The following KIF14 variants were observed in gnomAD, a reference collection of about 807,000 sequenced individuals.
The protein encoded by KIF14 is kinesin-like protein KIF14.
Under a neutral mutation model 176.2 loss-of-function variants are expected in KIF14, and 98 were observed. The ratio of observed to expected loss-of-function variants is 0.56; its 90% CI spans 0.47 to 0.66. The LOEUF is 0.66. Ranked by LOEUF, KIF14 falls within the 30% of genes least tolerant of loss-of-function variation. The probability of loss-of-function intolerance (pLI) is 0.00; values close to 1 mark genes in which losing one functional copy is unlikely to be tolerated. For synonymous variants in KIF14, 566 were observed against 632.2 expected (o/e 0.90, Z 1.57); for missense variants, 1,751 against 1,920.4 (o/e 0.91, Z 1.65).
chr1:200,600,101 TTCTTTCCACAC>T lies in KIF14; in HGVS notation c.2302_2312del (p.Val768LysfsTer3). 1 of 1,600,510 alleles carries T rather than the reference TTCTTTCCACAC, an allele frequency of 6.2e-7. No individual in the cohort carries two copies. The highest frequency in any genetic ancestry group is 8.5e-7 in the Non-Finnish European group (1 of 1,169,610). ...TTCTTTTTTCAGCTTGTTCAAACTT[TTCTTTCCACAC>T]TCTTTCCAAAGACAAAGAAAATAAC... On this transcript the variant is annotated frameshift_variant and splice_region_variant, in exon 13 of 30. Coordinates refer to ENST00000367350, the MANE Select transcript of KIF14 (RefSeq NM_014875.3). LOFTEE classifies it high-confidence loss of function.
At chr1:200,568,062 A>G (rs1657566261) in intron 23 of KIF14, among the ~76,000 whole-genome samples, 1 of 152,212 alleles carries the variant, frequency 6.6e-6, no homozygotes, top group Admixed American at 6.5e-5. Context: ...GAATTTTAGA[A>G]GTTAAGATAC....
chr1:200,591,663 C>A (rs1231127257), intron 16 of KIF14, among the ~76,000 whole-genome samples: 1 of 152,202 alleles, frequency 6.6e-6, no homozygotes, highest in Admixed American at 6.5e-5. Flanking sequence ...AAATTCTAAT[C>A]GTCTATTGGG....
rs1382129945 is a variant in KIF14, at chr1:200,605,332, T to C, written c.1697A>G (p.Lys566Arg). The C allele has an allele frequency of 1.9e-6, 3 of 1,613,808 alleles. No individual in the cohort carries two copies. In the South Asian group the frequency reaches 3.3e-5, roughly 18 times the overall value. Residue 566 changes from lysine to arginine, a missense_variant, in exon 8 of 30, where the codon AAA (lysine) becomes AGA (arginine). By Grantham distance (26) the Lys-to-Arg change is conservative. Coordinates refer to ENST00000367350, the MANE Select transcript of KIF14 (RefSeq NM_014875.3). Reference protein sequence around the residue: ...RATAATGMNDKSSRSHSVFTL... With the variant: ...RATAATGMNDRSSRSHSVFTL... Reference sequence around the variant, plus strand: ...GAAAACTGAATGAGATCGGGAACTTTTATCATTCATACCAGTAGCAGCAGT... The same window carrying C: ...GAAAACTGAATGAGATCGGGAACTTCTATCATTCATACCAGTAGCAGCAGT...
chr1:200,561,677 C>CTG (rs1363305895), intron 25 of KIF14, among the ~76,000 whole-genome samples: 1 of 151,994 alleles, frequency 6.6e-6, no homozygotes, highest in Non-Finnish European at 1.5e-5. Context: ...ACATCTGTGG[C>CTG]TGCTAAAGGT....
At chr1:200,557,410 C>T (rs890143720) in intron 27 of KIF14, among the ~76,000 whole-genome samples, 1 of 152,186 alleles carries the variant, frequency 6.6e-6, no homozygotes, top group Non-Finnish European at 1.5e-5. Flanking sequence ...TTGCCAGGCA[C>T]TATATTTTTA....
rs180761779 is a variant in KIF14, at chr1:200,603,970, T to C, written c.1747-15A>G. The C allele has an allele frequency of 4.0e-6, 6 of 1,490,978 alleles. No homozygotes were observed. The African/African-American group carries it at 6.9e-5, about 17-fold the overall frequency. The allele number at this position is 1,490,978 out of a possible 1,614,324, so 92.4% of individuals were successfully genotyped here. ...ACAAATTCTGTCTACAGCAAAATGA[T>C]ATTAAATTAAATTAAGTTCTATTAC... On this transcript the variant is annotated splice_polypyrimidine_tract_variant and intron_variant, in intron 8 of 29. Coordinates refer to ENST00000367350, the MANE Select transcript of KIF14 (RefSeq NM_014875.3).
intron 5 of KIF14, among the ~76,000 whole-genome samples, chr1:200,608,061 T>C (rs1028137694): frequency 6.6e-6 from 1 of 152,170 alleles, no homozygotes; most frequent in Non-Finnish European, 1.5e-5. Context: ...AATTTTAAAT[T>C]TGAATAGCAG....
Position 200,589,339 on chromosome 1 carries a change from C to G in KIF14, c.2992G>C (p.Glu998Gln). The change falls in exon 18 of 30, where the codon GAA becomes CAA. Residue 998 changes from glutamate (E) to glutamine (Q), a missense_variant. Transcript: ENST00000367350. ...TGATTAGCCTTCTGGTTATTTATTT[C>G]CTGCATTTTTTTCCTTTGAGACTCT... ...REESQRKKMQ[E>Q]INNQKANHKI... The G allele has an allele frequency of 6.2e-7, 1 of 1,608,954 alleles. No individual in the cohort carries two copies. Among genetic ancestry groups the G allele is most frequent in the Non-Finnish European group, 8.5e-7 (1 of 1,176,924 alleles).
rs1240205860 is a variant in KIF14 at position 200,590,159 on chromosome 1, T to C, written c.2927A>G (p.Tyr976Cys). The change falls in exon 17 of 30, where the codon TAT (tyrosine) becomes TGT (cysteine). Residue 976 changes from tyrosine to cysteine, a missense_variant. Physicochemically the swap from Tyr to Cys is radical, Grantham distance 194. Transcript: ENST00000367350. ...QQELSSQKAAYESKIKALEAE... is the reference protein window; with the variant it reads ...QQELSSQKAACESKIKALEAE... ...TTCCAGTGCTTTTATTTTGCTTTCATATGCAGCTTTTTGAGAAGAAAGCTC... is the reference window on the plus strand; with the variant it reads ...TTCCAGTGCTTTTATTTTGCTTTCACATGCAGCTTTTTGAGAAGAAAGCTC... The C allele has an allele frequency of 2.5e-6, 4 of 1,612,142 alleles. No individual in the cohort carries two copies. The highest frequency in any genetic ancestry group is 3.4e-6 in the Non-Finnish European group (4 of 1,179,706).
chr1:200,597,055 C>G (rs190112834), intron 14 of KIF14, among the ~76,000 whole-genome samples: 1 of 151,660 alleles, frequency 6.6e-6, no homozygotes, highest in Non-Finnish European at 1.5e-5. Context: ...GGTACCACCA[C>G]GCCCAGAAAA....
chr1:200,554,084 G>T (rs1406759509), intron 29 of KIF14, among the ~76,000 whole-genome samples: 1 of 152,050 alleles, frequency 6.6e-6, no homozygotes, highest in Non-Finnish European at 1.5e-5. Context: ...TAATGAAAAG[G>T]TTAGAAATAA....
intron 22 of KIF14, among the ~76,000 whole-genome samples, chr1:200,573,209 A>G (rs1558056264): frequency 6.6e-6 from 1 of 152,152 alleles, no homozygotes; most frequent in Non-Finnish European, 1.5e-5. Context: ...ATAGGACCTC[A>G]CTTAATCTTA....
intron 25 of KIF14, among the ~76,000 whole-genome samples, chr1:200,563,907 T>C (rs1435761013): frequency 3.3e-5 from 5 of 152,236 alleles, no homozygotes; most frequent in South Asian, 2.1e-4. Flanking sequence ...AATGATAAAA[T>C]TCTAGCCAGA....
chr1:200,571,093 A>G (rs1366360243), intron 22 of KIF14, among the ~76,000 whole-genome samples: 1 of 152,178 alleles, frequency 6.6e-6, no homozygotes, highest in Non-Finnish European at 1.5e-5. Context: ...GTACAAATGG[A>G]AGAAATGTTT....
intron 11 of KIF14, among the ~76,000 whole-genome samples, chr1:200,601,683 C>G (rs560731231): frequency 6.6e-6 from 1 of 152,290 alleles, no homozygotes; most frequent in East Asian, 1.9e-4. Flanking sequence ...ACTCTGTTTT[C>G]TATGTTCTTT....
intron 21 of KIF14, among the ~76,000 whole-genome samples, chr1:200,579,202 C>T (rs1486630014): frequency 6.6e-6 from 1 of 152,202 alleles, no homozygotes; most frequent in Non-Finnish European, 1.5e-5. Context: ...CACACAATGG[C>T]TCACGCCTGT....
In KIF14 at chr1:200,554,717, T is replaced by C. The variant is rs1008525405; in HGVS notation, c.4429-111A>G. On this transcript the variant is annotated intron_variant, in intron 28 of 29. Coordinates refer to ENST00000367350, the MANE Select transcript of KIF14 (RefSeq NM_014875.3). Reference sequence around the variant, plus strand: ...AATCTTCTCTTTAAGAAAGAGAGTTTAATTTCCTCACCAGTGCTTAACTCT... The same window carrying C: ...AATCTTCTCTTTAAGAAAGAGAGTTCAATTTCCTCACCAGTGCTTAACTCT... The C allele has an allele frequency of 6.7e-6, 4 of 600,338 alleles. No homozygotes were observed. The Admixed American group carries it at 1.5e-4, about 22-fold the overall frequency. The allele number at this position is 600,338 out of a possible 1,614,324, so 37.2% of individuals were successfully genotyped here. A position where few individuals can be genotyped will look rare whatever the true frequency, so the allele number is the denominator to read the frequency against.
intron 18 of KIF14, among the ~76,000 whole-genome samples, chr1:200,587,493 C>T (rs946723317): frequency 6.6e-6 from 1 of 151,520 alleles, no homozygotes; most frequent in Non-Finnish European, 1.5e-5. Flanking sequence ...TAGTTTAGTA[C>T]AAATAAGCAT....
intron 4 of KIF14, among the ~76,000 whole-genome samples, chr1:200,610,523 A>C (rs578245352): frequency 6.6e-6 from 1 of 151,976 alleles, no homozygotes; most frequent in Non-Finnish European, 1.5e-5. Context: ...AAAAAAAAAA[A>C]AAAAAAATTT....
Sources: allele counts gnomAD v4.1 joint callset (sites outside exome capture counted in the v4.1 genomes callset), GRCh38; gene constraint gnomAD v4.1.1; transcripts MANE v1.5; gene names NCBI Gene and HGNC (gene_info 2026-07-23, HGNC 2026-07-21).